SPPL3: variants seen among roughly 807,000 people sequenced by gnomAD.
The protein encoded by SPPL3 is signal peptide peptidase like 3.
A neutral mutation model predicts 42.4 loss-of-function variants in SPPL3; 5 were observed. The observed-to-expected ratio is 0.12, with a 90% CI of 0.06 to 0.25. The LOEUF is 0.25. Ranked by LOEUF, SPPL3 falls within the 10% of genes least tolerant of loss-of-function variation. SPPL3 has a pLI of 1.00. For synonymous variants in SPPL3, 195 were observed against 181.8 expected (o/e 1.07, Z -0.58); for missense variants, 235 against 489.0 (o/e 0.48, Z 4.90).
intron 1 of SPPL3, among the ~76,000 whole-genome samples, chr12:120,861,895 A>G (rs1473175605): frequency 6.6e-6 from 1 of 152,230 alleles, no homozygotes; most frequent in Non-Finnish European, 1.5e-5. Context: ...AGGATTGGGA[A>G]TATCACTTTG....
intron 9 of SPPL3, among the ~76,000 whole-genome samples, chr12:120,767,092 T>C (rs1031990336): frequency 2.6e-5 from 4 of 152,184 alleles, no homozygotes; most frequent in Admixed American, 6.5e-5. Flanking sequence ...AATACGACAG[T>C]CATTCAACTC....
At chr12:120,768,654 T>C in intron 7 of SPPL3, 166 bp from the exon 8 acceptor site, 1 of 818,522 alleles carries the variant, frequency 1.2e-6, no homozygotes, top group Non-Finnish European at 1.9e-6. Flanking sequence ...TACTTGCCAA[T>C]TTCTGCACTC....
At chr12:120,903,732 G>GCCCCCCCCCCCCCCC in intron 1 of SPPL3, 113 bp downstream of exon 1, 2 of 385,022 alleles carry the variant, frequency 5.2e-6, no homozygotes, top group South Asian at 3.4e-5. Flanking sequence ...CCCAACCCGC[G>GCCCCCCCCCCCCCCC]CCCCCCCCCC....
Position 120,767,547 on chromosome 12 carries a change from T to C in SPPL3, c.820A>G (p.Met274Val). 6.2e-7 allele frequency: 1 copy of C among 1,614,188 alleles called. No individual in the cohort carries two copies. Among genetic ancestry groups the C allele is most frequent in the Non-Finnish European group, 8.5e-7 (1 of 1,180,036 alleles). ...ACAAAGCATAGTAGGAGACCAGGCATAACGATGTCTCCGATGCCCAACATG... is the reference window on the plus strand; with the variant it reads ...ACAAAGCATAGTAGGAGACCAGGCACAACGATGTCTCCGATGCCCAACATG... ...FSMLGIGDIV[M>V]PGLLLCFVLR... Residue 274 changes from methionine to valine, a missense_variant, in exon 9 of 11, where the codon ATG (methionine) becomes GTG (valine). By Grantham distance (21) the Met-to-Val change is conservative (BLOSUM62 1). Coordinates refer to ENST00000353487, the MANE Select transcript of SPPL3 (RefSeq NM_139015.5).
At chr12:120,783,312 C>T (rs183674569) in intron 5 of SPPL3, among the ~76,000 whole-genome samples, 132 of 152,194 alleles carry the variant, frequency 8.7e-4, no homozygotes, top group Non-Finnish European at 2.2e-4. Context: ...TCTAGGCCAC[C>T]GAAGACCAAA....
intron 6 of SPPL3, among the ~76,000 whole-genome samples, chr12:120,772,081 G>A (rs1274784093): frequency 6.6e-6 from 1 of 152,106 alleles, no homozygotes; most frequent in Non-Finnish European, 1.5e-5. Flanking sequence ...CAGTACAATG[G>A]TGCAATCTCA....
At chr12:120,765,142 A>C in intron 10 of SPPL3, 72 bp from the exon 11 acceptor site, 1 of 1,500,570 alleles carries the variant, frequency 6.7e-7, no homozygotes, top group Admixed American at 2.2e-5. Flanking sequence ...TTCTTTAAAA[A>C]AAAAAAATTT....
At chr12:120,805,537 A>T (rs756345496) in intron 2 of SPPL3, among the ~76,000 whole-genome samples, 1 of 152,242 alleles carries the variant, frequency 6.6e-6, no homozygotes, top group Non-Finnish European at 1.5e-5. Flanking sequence ...GGAAAAAGAC[A>T]AAGTCTTTCA....
chr12:120,791,672 A>C (rs1869921459), intron 2 of SPPL3, 115 bp from the exon 3 acceptor site: 2 of 681,780 alleles, frequency 2.9e-6, no homozygotes, highest in Non-Finnish European at 2.5e-6. Flanking sequence ...TCTCTTTTGA[A>C]CAACTCTGAA....
At chr12:120,883,301 G>A (rs962921541) in intron 1 of SPPL3, among the ~76,000 whole-genome samples, 3 of 152,028 alleles carry the variant, frequency 2.0e-5, no homozygotes, top group African/African-American at 4.8e-5. Context: ...CAAGACTCCC[G>A]TCTCAAAAAA....
chr12:120,845,302 T>C, intron 1 of SPPL3: 1 of 345,234 alleles, frequency 2.9e-6, no homozygotes, highest in Non-Finnish European at 5.9e-6. Context: ...GAGGACAGTA[T>C]CCCAGAGCTC....
At chr12:120,822,684 G>A (rs917145046) in intron 1 of SPPL3, among the ~76,000 whole-genome samples, 8 of 152,098 alleles carry the variant, frequency 5.3e-5, no homozygotes, top group African/African-American at 1.9e-4. Flanking sequence ...GAGCCCCAGA[G>A]CAAGGAGGGA....
chr12:120,781,555 GTTTTTTTTTTTTTTTTTTT>G (rs527339173), intron 6 of SPPL3, among the ~76,000 whole-genome samples: 12 of 62,992 alleles, frequency 1.9e-4, no homozygotes, highest in Non-Finnish European at 2.6e-4. Context: ...TTATTGTTAC[GTTTTTTTTTTTTTTTTTTT>G]TTTTTTTTTT....
intron 1 of SPPL3, among the ~76,000 whole-genome samples, chr12:120,836,842 C>T (rs1156963381): frequency 2.0e-5 from 3 of 152,112 alleles, no homozygotes; most frequent in Admixed American, 6.5e-5. Flanking sequence ...TGTGTGCATA[C>T]GTGCATATAC....
intron 1 of SPPL3, among the ~76,000 whole-genome samples, chr12:120,869,254 T>C (rs543216287): frequency 5.3e-4 from 81 of 152,310 alleles, no homozygotes; most frequent in African/African-American, 1.9e-3. Flanking sequence ...AGTACTGCTG[T>C]AGGTGATGCA....
intron 1 of SPPL3, among the ~76,000 whole-genome samples, chr12:120,847,202 A>G (rs1276113219): frequency 6.6e-6 from 1 of 152,248 alleles, no homozygotes; most frequent in Non-Finnish European, 1.5e-5. Flanking sequence ...GAGATGTAAC[A>G]TCAATTTCAA....
At chr12:120,787,392 T>C (rs1310737447) in intron 3 of SPPL3, among the ~76,000 whole-genome samples, 1 of 152,172 alleles carries the variant, frequency 6.6e-6, no homozygotes, top group African/African-American at 2.4e-5. Context: ...ACTACTTAAA[T>C]GAAGGACTGA....
intron 5 of SPPL3, among the ~76,000 whole-genome samples, chr12:120,783,167 A>G (rs1205041295): frequency 6.6e-6 from 1 of 152,218 alleles, no homozygotes; most frequent in Non-Finnish European, 1.5e-5. Context: ...AATTCCTGCG[A>G]GCATCAGCTG....
At chr12:120,886,726 A>G (rs1046313283) in intron 1 of SPPL3, among the ~76,000 whole-genome samples, 1 of 152,160 alleles carries the variant, frequency 6.6e-6, no homozygotes, top group Admixed American at 6.6e-5. Context: ...AAAACTAAAG[A>G]ACTAGAAATA....
Sources: allele counts gnomAD v4.1 joint callset (sites outside exome capture counted in the v4.1 genomes callset), GRCh38; gene constraint gnomAD v4.1.1; transcripts MANE v1.5; gene names NCBI Gene and HGNC (gene_info 2026-07-23, HGNC 2026-07-21).